Variants in PCDHA2 observed in about 807,000 individuals in gnomAD.
PCDHA2 encodes protocadherin alpha 2, also known as protocadherin alpha-2.
In PCDHA2, 58 loss-of-function variants were observed where a neutral mutation model predicts 66.0. The ratio of observed to expected loss-of-function variants is 0.88; its 90% CI spans 0.71 to 1.09. The LOEUF (loss-of-function observed/expected upper bound fraction) is 1.09. Among genes scored for constraint, PCDHA2 ranks in the 50% least tolerant of loss-of-function variants. PCDHA2 has a pLI of 0.00. For missense variants in PCDHA2, 1,267 were observed against 1,242.3 expected, an observed-to-expected ratio of 1.02 and a Z score of -0.30; for synonymous variants, 634 against 554.0, an observed-to-expected ratio of 1.14 and a Z score of -2.03.
intron 1 of PCDHA2, chr5:140,841,827 C>T: frequency 6.2e-7 from 1 of 1,613,914 alleles, no homozygotes; most frequent in Non-Finnish European, 8.5e-7. Flanking sequence ...TCCGTGTTAA[C>T]CTACAGGCTT....
intron 1 of PCDHA2, chr5:140,835,666 G>C: frequency 6.2e-7 from 1 of 1,613,936 alleles, no homozygotes; most frequent in South Asian, 1.1e-5. Context: ...GTTACCGCGC[G>C]GGACGGGGGC....
chr5:140,861,433 C>T (rs1177274871), intron 1 of PCDHA2: 1 of 489,666 alleles, frequency 2.0e-6, no homozygotes, highest in Non-Finnish European at 4.2e-6. Context: ...CAGTTGGATT[C>T]CAAAAGCCGC....
At chr5:140,863,261 A>G (rs782771328) in intron 1 of PCDHA2, 17 of 1,449,886 alleles carry the variant, frequency 1.2e-5, no homozygotes, top group Non-Finnish European at 1.4e-5. Context: ...GAGGTCCGGG[A>G]GGCAGCGCTG....
At chr5:140,883,121 G>C in intron 1 of PCDHA2, 12 of 1,614,070 alleles carry the variant, frequency 7.4e-6, no homozygotes, top group Non-Finnish European at 1.0e-5. Context: ...TAGAAGGCCT[G>C]TATGGCCTGC....
At chr5:140,925,671 A>AATAATAATAATAATG (rs1445697337) in intron 1 of PCDHA2, among the ~76,000 whole-genome samples, 106 of 148,180 alleles carry the variant, frequency 7.2e-4, no homozygotes, top group African/African-American at 2.6e-3. Context: ...TAATAATAAT[A>AATAATAATAATAATG]ATAATAAAGC....
At chr5:140,999,182 G>T (rs1285087964) in intron 3 of PCDHA2, among the ~76,000 whole-genome samples, 4 of 152,204 alleles carry the variant, frequency 2.6e-5, no homozygotes, top group Non-Finnish European at 5.9e-5. Context: ...CTGATGGGGA[G>T]AGGGTCCTTG....
intron 3 of PCDHA2, among the ~76,000 whole-genome samples, chr5:140,987,811 C>CT (rs1444999429): frequency 6.6e-6 from 1 of 152,100 alleles, no homozygotes; most frequent in East Asian, 1.9e-4. Flanking sequence ...GTGCCTGTCT[C>CT]TTTGTTTCCT....
In PCDHA2 at chr5:140,842,705, G is replaced by C. The variant is rs2150342552; in HGVS notation, c.2388+45353G>C. 4 of 1,595,328 alleles carry C rather than the reference G, an allele frequency of 2.5e-6. No homozygotes were observed. The African/African-American group carries it at 4.0e-5, about 16-fold the overall frequency. On this transcript the variant is annotated intron_variant, in intron 1 of 3. Coordinates refer to ENST00000526136, the MANE Select transcript of PCDHA2 (RefSeq NM_018905.3). ...GGCGTTCGCGCAGCCCGAGTACACG[G>C]TGTTCGTGAAGGAGAACAACCCGCC... is the stretch of plus-strand genomic sequence containing the variant.
At chr5:140,807,079 T>C in intron 1 of PCDHA2, 2 of 1,251,088 alleles carry the variant, frequency 1.6e-6, no homozygotes, top group Non-Finnish European at 1.1e-6. Flanking sequence ...TATACACTCT[T>C]TGGAGTCTGA....
intron 1 of PCDHA2, chr5:140,859,687 T>G (rs1196528150): frequency 1.3e-5 from 2 of 154,650 alleles, no homozygotes; most frequent in Non-Finnish European, 2.9e-5. Flanking sequence ...AAATTAAAAT[T>G]ATTGTTCAAG....
intron 1 of PCDHA2, among the ~76,000 whole-genome samples, chr5:140,937,818 A>T (rs190175998): frequency 0.029 from 4,407 of 151,960 alleles, 79 homozygotes; most frequent in Admixed American, 0.046. Context: ...AAGCTGAGGC[A>T]GGAGAATGGC....
At chr5:140,931,783 T>A (rs2087751344) in intron 1 of PCDHA2, among the ~76,000 whole-genome samples, 1 of 151,996 alleles carries the variant, frequency 6.6e-6, no homozygotes, top group African/African-American at 2.4e-5. Context: ...TTCAATTACC[T>A]ATTGATCTGA....
chr5:140,883,297 A>G (rs782572580), intron 1 of PCDHA2: 2 of 1,614,132 alleles, frequency 1.2e-6, no homozygotes, highest in Non-Finnish European at 1.7e-6. Flanking sequence ...TACTAGATGT[A>G]AATGATAACG....
rs1554119788 is a variant in PCDHA2 at position 140,796,249 on chromosome 5, G to A, written c.1285G>A (p.Asp429Asn). 6.2e-7 allele frequency: 1 copy of A among 1,614,030 alleles called. No individual in the cohort carries two copies. The highest frequency in any genetic ancestry group is 1.3e-5 in the African/African-American group (1 of 74,954). Reference sequence around the variant, plus strand: ...CTATGAGCTGGTGGTGACCGCACGGGACGGGGGCTCGCCTTCACTGTGGGC... The same window carrying A: ...CTATGAGCTGGTGGTGACCGCACGGAACGGGGGCTCGCCTTCACTGTGGGC... Reference protein sequence around the residue: ...SAYELVVTARDGGSPSLWATT... With the variant: ...SAYELVVTARNGGSPSLWATT... The change falls in exon 1 of 4, where the codon GAC (aspartate) becomes AAC (asparagine). Residue 429 changes from aspartate to asparagine, a missense_variant. Asp to Asn is a conservative substitution (Grantham distance 23, BLOSUM62 1). Transcript: ENST00000526136.
chr5:140,803,719 T>C (rs1422926439), intron 1 of PCDHA2: 1 of 1,475,944 alleles, frequency 6.8e-7, no homozygotes, highest in African/African-American at 1.4e-5. Flanking sequence ...TTTCCAGTTT[T>C]GTGGTTTTGT....
intron 1 of PCDHA2, among the ~76,000 whole-genome samples, chr5:140,798,659 G>A (rs1554120715): frequency 1.3e-5 from 2 of 152,194 alleles, no homozygotes; most frequent in African/African-American, 4.8e-5. Flanking sequence ...TTACCTGGAA[G>A]CATCCATATT....
At chr5:140,828,464 G>A (rs1554131324) in intron 1 of PCDHA2, 2 of 1,614,262 alleles carry the variant, frequency 1.2e-6, no homozygotes, top group Non-Finnish European at 1.7e-6. Context: ...GGAGGTGAGG[G>A]ACATTAACGA....
At chr5:140,927,033 G>T in intron 1 of PCDHA2, 1 of 1,612,344 alleles carries the variant, frequency 6.2e-7, no homozygotes, top group Non-Finnish European at 8.5e-7. Context: ...GGCTGCCAGC[G>T]GCCGCTATGT....
intron 1 of PCDHA2, chr5:140,869,085 G>C (rs1223648721): frequency 6.3e-7 from 1 of 1,583,562 alleles, no homozygotes; most frequent in Non-Finnish European, 8.6e-7. Flanking sequence ...GCTTATTTTG[G>C]AAGCCAATTT....
Sources: gnomAD v4.1 joint callset for allele counts (sites outside exome capture counted in the v4.1 genomes callset) on GRCh38, gnomAD v4.1.1 for gene constraint, MANE v1.5 for transcripts, NCBI Gene and HGNC (gene_info 2026-07-23, HGNC 2026-07-21) for gene names.